Variants in ASTN1 observed in about 807,000 individuals in gnomAD.
ASTN1 encodes the protein astrotactin 1, also known as astrotactin-1.
ASTN1 carries 41 observed loss-of-function variants against 140.7 expected under a neutral mutation model. The ratio of observed to expected loss-of-function variants is 0.29; its 90% CI spans 0.23 to 0.38. ASTN1 has a LOEUF of 0.38. Among genes scored for constraint, ASTN1 ranks in the 10% least tolerant of loss-of-function variants. ASTN1 has a pLI of 1.00. For synonymous variants in ASTN1, 640 were observed against 652.2 expected, an observed-to-expected ratio of 0.98 and a Z score of 0.29; for missense variants, 1,479 against 1,678.8, an observed-to-expected ratio of 0.88 and a Z score of 2.08.
chr1:176,967,653 G>A (rs1387886903), intron 8 of ASTN1, among the ~76,000 whole-genome samples: 1 of 152,160 alleles, frequency 6.6e-6, no homozygotes, highest in African/African-American at 2.4e-5. Flanking sequence ...AATACTGTGT[G>A]AACAATTAGC....
At chr1:177,020,650 C>T (rs566272494) in intron 7 of ASTN1, among the ~76,000 whole-genome samples, 17 of 152,302 alleles carry the variant, frequency 1.1e-4, no homozygotes, top group African/African-American at 3.9e-4. Context: ...TGCCATGTAA[C>T]GTGACACATT....
intron 8 of ASTN1, among the ~76,000 whole-genome samples, chr1:177,009,133 T>C (rs1675156987): frequency 6.6e-6 from 1 of 152,192 alleles, no homozygotes; most frequent in African/African-American, 2.4e-5. Context: ...CAGCTCAACA[T>C]GCCAGTCACT....
At chr1:176,880,468 T>C (rs1668750041) in intron 20 of ASTN1, among the ~76,000 whole-genome samples, 1 of 152,044 alleles carries the variant, frequency 6.6e-6, no homozygotes, top group Non-Finnish European at 1.5e-5. Flanking sequence ...GGGCAGTAGG[T>C]TGAAAGGCCT....
chr1:177,100,918 C>T (rs1680270147), intron 1 of ASTN1, among the ~76,000 whole-genome samples: 1 of 152,096 alleles, frequency 6.6e-6, no homozygotes, highest in Non-Finnish European at 1.5e-5. Flanking sequence ...CATGGTAAAA[C>T]TCCGTCTCTA....
chr1:176,882,124 A>G (rs1668827632), intron 20 of ASTN1, among the ~76,000 whole-genome samples: 1 of 152,234 alleles, frequency 6.6e-6, no homozygotes, highest in Admixed American at 6.5e-5. Context: ...ACAGGGAGAA[A>G]TGGGGAAGAG....
chr1:177,052,206 C>G (rs1321505016), intron 2 of ASTN1, among the ~76,000 whole-genome samples: 1 of 152,156 alleles, frequency 6.6e-6, no homozygotes, highest in African/African-American at 2.4e-5. Flanking sequence ...TAGGACTCCT[C>G]TGAGAGGCTG....
chr1:176,910,281 C>T (rs1233349098), intron 16 of ASTN1, among the ~76,000 whole-genome samples: 1 of 152,162 alleles, frequency 6.6e-6, no homozygotes, highest in Admixed American at 6.5e-5. Flanking sequence ...ACTATTATTT[C>T]TGTTTTTGAG....
chr1:177,164,306 G>A, intron 1 of ASTN1, 88 bp downstream of exon 1: 2 of 1,355,564 alleles, frequency 1.5e-6, no homozygotes, highest in Non-Finnish European at 9.9e-7. Flanking sequence ...GGAGGTCGTC[G>A]GCGAGTGGGT....
At chr1:176,884,512 C>G in intron 18 of ASTN1, 22 bp from the exon 19 acceptor site, 4 of 1,588,430 alleles carry the variant, frequency 2.5e-6, no homozygotes, top group Non-Finnish European at 3.4e-6. Flanking sequence ...CAGGAAGGAA[C>G]ATGAAACAGG....
intron 6 of ASTN1, among the ~76,000 whole-genome samples, chr1:177,023,962 T>C (rs377151215): frequency 6.6e-6 from 1 of 152,284 alleles, no homozygotes; most frequent in South Asian, 2.1e-4. Context: ...GCTATGAGAA[T>C]TGCAGGCCCT....
chr1:176,879,846 A>G lies in ASTN1; in HGVS notation c.3362+3013T>C, dbSNP rs188351396. Among the ~76,000 whole-genome samples, 3 of 152,358 alleles carry G rather than the reference A, an allele frequency of 2.0e-5. No individual in the cohort carries two copies. In the East Asian group the frequency reaches 5.8e-4, roughly 29 times the overall value. On this transcript the variant is annotated intron_variant, in intron 20 of 22. Transcript: ENST00000361833. ...AGGCTTGACCTAAGGGCCATTCCTCAGTAGTCCCAAATCCCTCAGTTTTGG... is the reference window on the plus strand; with the variant it reads ...AGGCTTGACCTAAGGGCCATTCCTCGGTAGTCCCAAATCCCTCAGTTTTGG...
At chr1:176,893,647 T>C (rs985184651) in intron 17 of ASTN1, among the ~76,000 whole-genome samples, 2 of 152,176 alleles carry the variant, frequency 1.3e-5, no homozygotes, top group Non-Finnish European at 2.9e-5. Flanking sequence ...AAAGCAATTA[T>C]CACCCCACCT....
intron 17 of ASTN1, 135 bp from the exon 18 acceptor site, chr1:176,888,339 T>C: frequency 1.9e-6 from 2 of 1,048,892 alleles, no homozygotes; most frequent in Non-Finnish European, 2.8e-6. Flanking sequence ...ACTTTATCAT[T>C]GTCTCAAATT....
intron 9 of ASTN1, 76 bp downstream of exon 9, chr1:176,965,087 T>C (rs1187187362): frequency 1.4e-6 from 2 of 1,407,794 alleles, no homozygotes; most frequent in African/African-American, 1.4e-5. Context: ...CTTTACCAAC[T>C]AGGAAAGTCA....
At chr1:177,144,108 T>C (rs371262437) in intron 1 of ASTN1, among the ~76,000 whole-genome samples, 32 of 151,958 alleles carry the variant, frequency 2.1e-4, no homozygotes, top group African/African-American at 6.8e-4. Flanking sequence ...TGTTTTCACA[T>C]GCTCTAATTT....
At chr1:177,141,272 T>C (rs1682458202) in intron 1 of ASTN1, among the ~76,000 whole-genome samples, 1 of 152,114 alleles carries the variant, frequency 6.6e-6, no homozygotes. Context: ...AGGATTGTTG[T>C]AGTACCTGAG....
At chr1:177,055,369 T>G (rs1319628940) in intron 2 of ASTN1, among the ~76,000 whole-genome samples, 1 of 152,246 alleles carries the variant, frequency 6.6e-6, no homozygotes, top group South Asian at 2.1e-4. Flanking sequence ...AGGTGAGGGA[T>G]GTTTGTAAGC....
rs757480200 is a variant in ASTN1, at chr1:176,957,740, C to T, written c.1825G>A (p.Gly609Arg). The T allele has an allele frequency of 1.1e-5, 17 of 1,613,962 alleles. No individual in the cohort carries two copies. The highest frequency in any genetic ancestry group is 2.2e-5 in the South Asian group (2 of 91,076). The part of the protein sequence containing the change: ...GPVRDCSKDN[G>R]GCSKNFRCIS... ...CAGCGGAAATTCTTACTGCAGCCCCCGTTATCTTTGCTGCAGTCGCGCACC... is the reference window on the plus strand; with the variant it reads ...CAGCGGAAATTCTTACTGCAGCCCCTGTTATCTTTGCTGCAGTCGCGCACC... Residue 609 changes from glycine to arginine, a missense_variant, in exon 11 of 23, where the codon GGG (glycine) becomes AGG (arginine). By Grantham distance (125) the Gly-to-Arg change is moderately radical. This residue lies in a region of ASTN1 where 729 missense variants were observed against 860.4 expected (regional missense o/e 0.85). Coordinates refer to ENST00000361833, the MANE Select transcript of ASTN1 (RefSeq NM_004319.3).
intron 21 of ASTN1, among the ~76,000 whole-genome samples, 162 bp from the exon 22 acceptor site, chr1:176,869,189 T>C (rs1557922557): frequency 6.6e-6 from 1 of 151,884 alleles, no homozygotes; most frequent in Non-Finnish European, 1.5e-5. Flanking sequence ...ATATAGTATA[T>C]ACATACACAT....
Sources: allele counts gnomAD v4.1 joint callset (sites outside exome capture counted in the v4.1 genomes callset), GRCh38; gene constraint gnomAD v4.1.1; regional missense constraint gnomAD v4.1.1; transcripts MANE v1.5; gene names NCBI Gene and HGNC (gene_info 2026-07-23, HGNC 2026-07-21).